Variants in FAM117B observed in about 807,000 individuals in gnomAD.
The protein encoded by FAM117B is family with sequence similarity 117 member B, also known as protein FAM117B.
A neutral mutation model predicts 52.8 loss-of-function variants in FAM117B; 22 were observed. That is an observed-to-expected ratio of 0.42 (90% CI 0.30 to 0.59). FAM117B has a LOEUF of 0.59. FAM117B is among the 20% of genes least tolerant of loss of function. The pLI is 0.22. For missense variants in FAM117B, 678 were observed against 802.6 expected, an observed-to-expected ratio of 0.84 and a Z score of 1.88; for synonymous variants, 309 against 324.1, an observed-to-expected ratio of 0.95 and a Z score of 0.50.
At chr2:202,682,420 A>G (rs1690475954) in intron 1 of FAM117B, among the ~76,000 whole-genome samples, 1 of 152,092 alleles carries the variant, frequency 6.6e-6, no homozygotes, top group East Asian at 1.9e-4. Flanking sequence ...TGACACCCAA[A>G]AGCAGTCGCC....
At chr2:202,703,847 C>T (rs1041803393) in intron 2 of FAM117B, among the ~76,000 whole-genome samples, 1 of 152,158 alleles carries the variant, frequency 6.6e-6, no homozygotes, top group Non-Finnish European at 1.5e-5. Context: ...AGTGGAATTG[C>T]TGGGTCATAT....
At chr2:202,691,665 G>A (rs6733207) in intron 1 of FAM117B, among the ~76,000 whole-genome samples, 32 of 96,540 alleles carry the variant, frequency 3.3e-4, no homozygotes, top group East Asian at 1.3e-3. Flanking sequence ...GTGTGTGTGT[G>A]TGTGTGTGTG....
chr2:202,713,967 C>T lies in FAM117B; in HGVS notation c.754-10950C>T, dbSNP rs139569567. Among the ~76,000 whole-genome samples, 1,287 of 152,268 alleles carry T rather than the reference C, an allele frequency of 8.5e-3. 22 individuals are homozygous for T. Among genetic ancestry groups the T allele is most frequent in the African/African-American group, 0.029 (1,216 of 41,554 alleles). On this transcript the variant is annotated intron_variant, in intron 2 of 7. Coordinates refer to ENST00000392238, the MANE Select transcript of FAM117B (RefSeq NM_173511.4). ...GGTGATCCACCTGCCTTGGCCTCCC[C>T]AAGTGCTAGGATTACAGGTGTGAGC...
Position 202,755,619 on chromosome 2 carries a change from G to A in FAM117B, c.1042G>A (p.Gly348Arg), listed in dbSNP as rs1408095416. Residue 348 changes from glycine to arginine, a missense_variant, in exon 5 of 8, where the codon GGA (glycine) becomes AGA (arginine). Gly to Arg is a moderately radical substitution (Grantham distance 125). Coordinates refer to ENST00000392238, the MANE Select transcript of FAM117B (RefSeq NM_173511.4). ...CTCCCGGTTCCGGAATAGCGTGGAAGGATTGAATCAGGAGATTGAAATAAT... is the reference window on the plus strand; with the variant it reads ...CTCCCGGTTCCGGAATAGCGTGGAAAGATTGAATCAGGAGATTGAAATAAT... ...TGSRFRNSVE[G>R]LNQEIEIIIK... The A allele has an allele frequency of 6.2e-7, 1 of 1,614,032 alleles. No individual in the cohort carries two copies. The highest frequency in any genetic ancestry group is 8.5e-7 in the Non-Finnish European group (1 of 1,179,956).
intron 4 of FAM117B, among the ~76,000 whole-genome samples, chr2:202,751,759 G>A (rs986674819): frequency 1.8e-4 from 21 of 114,332 alleles, no homozygotes; most frequent in South Asian, 3.0e-4. Context: ...GAGACAGACC[G>A]AGACTCCATC....
chr2:202,754,254 C>A (rs1691766526), intron 4 of FAM117B, among the ~76,000 whole-genome samples: 1 of 152,130 alleles, frequency 6.6e-6, no homozygotes, highest in African/African-American at 2.4e-5. Context: ...AAGCCATCAT[C>A]CTTAGCAAAC....
intron 1 of FAM117B, among the ~76,000 whole-genome samples, chr2:202,671,129 AG>A (rs1292689986): frequency 6.6e-6 from 1 of 152,192 alleles, no homozygotes; most frequent in Non-Finnish European, 1.5e-5. Context: ...ATTGACAGGA[AG>A]GTTGTAGTTT....
chr2:202,653,317 C>T (rs534038319), intron 1 of FAM117B, among the ~76,000 whole-genome samples: 1 of 152,242 alleles, frequency 6.6e-6, no homozygotes, highest in African/African-American at 2.4e-5. Flanking sequence ...AGTGAAGACC[C>T]GTGCCCCATC....
At chr2:202,684,695 G>C (rs1386612609) in intron 1 of FAM117B, among the ~76,000 whole-genome samples, 1 of 152,074 alleles carries the variant, frequency 6.6e-6, no homozygotes, top group Admixed American at 6.6e-5. Flanking sequence ...TTATAGTGCT[G>C]TTGCCTATGA....
At chr2:202,723,256 C>G (rs773383431) in intron 2 of FAM117B, among the ~76,000 whole-genome samples, 1 of 152,082 alleles carries the variant, frequency 6.6e-6, no homozygotes, top group African/African-American at 2.4e-5. Context: ...TTTTCCTTCC[C>G]CATTTGAAAC....
At position 202,765,766 on chromosome 2, in the gene FAM117B, T is replaced by TC; in HGVS notation, c.*3dup. The TC allele has an allele frequency of 1.2e-6, 2 of 1,613,282 alleles. No individual in the cohort carries two copies. The highest frequency in any genetic ancestry group is 1.7e-6 in the Non-Finnish European group (2 of 1,179,480). On this transcript the variant is annotated 3_prime_UTR_variant, in exon 8 of 8. Coordinates refer to ENST00000392238, the MANE Select transcript of FAM117B (RefSeq NM_173511.4). ...CCAATTGAGGAAGCTGAAGGATAGGTCACAGTGCAACGTGGCTGTTGTTCT... is the reference window on the plus strand; with the variant it reads ...CCAATTGAGGAAGCTGAAGGATAGGTCCACAGTGCAACGTGGCTGTTGTTCT...
At chr2:202,703,822 C>T (rs918197802) in intron 2 of FAM117B, among the ~76,000 whole-genome samples, 8 of 152,152 alleles carry the variant, frequency 5.3e-5, no homozygotes, top group Admixed American at 2.0e-4. Flanking sequence ...CAGTTCCTTT[C>T]GATATATACC....
intron 2 of FAM117B, among the ~76,000 whole-genome samples, chr2:202,707,095 G>A (rs1008932593): frequency 3.3e-5 from 5 of 152,116 alleles, no homozygotes; most frequent in Admixed American, 3.3e-4. Context: ...CAGCTGGAGT[G>A]CAGTGCCATG....
At chr2:202,699,449 G>GAAAAAAAAAA (rs59522030) in intron 2 of FAM117B, among the ~76,000 whole-genome samples, 2 of 100,032 alleles carry the variant, frequency 2.0e-5, no homozygotes, top group Non-Finnish European at 3.8e-5. Context: ...AAAAAAAAAA[G>GAAAAAAAAAA]AAAAAAAAAA....
At chr2:202,686,467 A>G (rs1015757747) in intron 1 of FAM117B, among the ~76,000 whole-genome samples, 11 of 152,234 alleles carry the variant, frequency 7.2e-5, no homozygotes, top group Admixed American at 3.3e-4. Flanking sequence ...GAATTTTCGT[A>G]TATGACTTAT....
At chr2:202,731,335 ATATATATATATATATATAT>A (rs1691342926) in intron 4 of FAM117B, among the ~76,000 whole-genome samples, 5 of 98,656 alleles carry the variant, frequency 5.1e-5, no homozygotes, top group Non-Finnish European at 7.5e-5. Context: ...AAATTGGAAT[ATATATATATATATATATAT>A]ATATATATAT....
chr2:202,650,762 G>T (rs1256676599), intron 1 of FAM117B, among the ~76,000 whole-genome samples: 1 of 152,130 alleles, frequency 6.6e-6, no homozygotes, highest in Non-Finnish European at 1.5e-5. Context: ...AGGGCAGAAA[G>T]CATCCAGCAC....
At chr2:202,659,061 C>T (rs2105760336) in intron 1 of FAM117B, among the ~76,000 whole-genome samples, 1 of 151,960 alleles carries the variant, frequency 6.6e-6, no homozygotes, top group Non-Finnish European at 1.5e-5. Context: ...GGCTGGAGTG[C>T]AGTGGCATGT....
At position 202,648,542 on chromosome 2, in the gene FAM117B, CATATAT is replaced by C. The variant is rs141162650; in HGVS notation, c.601+12761_601+12766del. Among the ~76,000 whole-genome samples the C allele has an allele frequency of 1.3e-3, 152 of 120,092 alleles. 1 individual carries two copies. Among genetic ancestry groups the C allele is most frequent in the African/African-American group, 4.4e-3 (146 of 33,502 alleles). 78.8% of individuals were successfully genotyped at this position (120,092 alleles called of 152,430 possible). A position where few individuals can be genotyped will look rare whatever the true frequency, so the allele number is the denominator to read the frequency against. On this transcript the variant is annotated intron_variant, in intron 1 of 7. Coordinates refer to ENST00000392238, the MANE Select transcript of FAM117B (RefSeq NM_173511.4). ...CACCCCCCCCCCAAAACAAAAAATACATATATATATATGTATGTATGTGTGTGTGTG... is the reference window on the plus strand; with the variant it reads ...CACCCCCCCCCCAAAACAAAAAATACATATATGTATGTATGTGTGTGTGTG...
Sources: allele counts gnomAD v4.1 joint callset (sites outside exome capture counted in the v4.1 genomes callset), GRCh38; gene constraint gnomAD v4.1.1; transcripts MANE v1.5; gene names NCBI Gene and HGNC (gene_info 2026-07-23, HGNC 2026-07-21).